DOCK3: variants seen among roughly 807,000 people sequenced by gnomAD.
The protein encoded by DOCK3 is dedicator of cytokinesis 3.
DOCK3 carries 60 observed loss-of-function variants against 265.6 expected under a neutral mutation model. The observed-to-expected ratio is 0.23, with a 90% CI of 0.18 to 0.28. The LOEUF is 0.28. DOCK3 is among the 10% of genes least tolerant of loss of function. The pLI is 1.00. For synonymous variants in DOCK3, 881 were observed against 938.0 expected (o/e 0.94, Z 1.11); for missense variants, 1,981 against 2,594.3 (o/e 0.76, Z 5.14).
At position 50,852,651 on chromosome 3, in the gene DOCK3, CTCTT is replaced by C. The variant is rs558146393; in HGVS notation, c.162+10938_162+10941del. Among the ~76,000 whole-genome samples, 212 of 152,196 alleles carry C rather than the reference CTCTT, an allele frequency of 1.4e-3. 2 individuals carry two copies. Among genetic ancestry groups the C allele is most frequent in the Middle Eastern group, 6.9e-3 (2 of 290 alleles). Reference sequence around the variant, plus strand: ...TTCAGATTTTAGGAATTTGTGTTCTCTCTTTTTCTTGATCAAGTCTAACTAGGTT... The same window carrying C: ...TTCAGATTTTAGGAATTTGTGTTCTCTTTCTTGATCAAGTCTAACTAGGTT... On this transcript the variant is annotated intron_variant, in intron 3 of 52. Transcript: ENST00000266037.
intron 6 of DOCK3, among the ~76,000 whole-genome samples, chr3:51,066,621 G>A (rs905424516): frequency 3.3e-5 from 5 of 152,122 alleles, no homozygotes; most frequent in Non-Finnish European, 5.9e-5. Flanking sequence ...AGGGATGCAC[G>A]AAAGTTCCCT....
intron 2 of DOCK3, among the ~76,000 whole-genome samples, chr3:50,798,880 C>T (rs973612537): frequency 1.3e-5 from 2 of 152,066 alleles, no homozygotes; most frequent in African/African-American, 4.8e-5. Flanking sequence ...TTTTGATTTA[C>T]TTTCAGTTGA....
At chr3:51,056,563 T>C (rs1198862455) in intron 5 of DOCK3, among the ~76,000 whole-genome samples, 1 of 152,210 alleles carries the variant, frequency 6.6e-6, no homozygotes, top group Non-Finnish European at 1.5e-5. Context: ...AAGGTATTTT[T>C]GACATAAAGG....
intron 3 of DOCK3, among the ~76,000 whole-genome samples, chr3:50,889,190 G>C (rs574771429): frequency 6.6e-6 from 1 of 151,426 alleles, no homozygotes; most frequent in African/African-American, 2.4e-5. Flanking sequence ...CCAAACTTCT[G>C]GGCTCAAGTC....
intron 4 of DOCK3, among the ~76,000 whole-genome samples, chr3:50,909,493 A>G (rs919815556): frequency 4.6e-5 from 7 of 152,008 alleles, no homozygotes; most frequent in Non-Finnish European, 1.0e-4. Flanking sequence ...GCCAGATGTG[A>G]AATTCTGGGT....
intron 38 of DOCK3, among the ~76,000 whole-genome samples, chr3:51,341,995 C>T (rs1320061802): frequency 1.3e-5 from 2 of 152,200 alleles, no homozygotes; most frequent in Admixed American, 6.5e-5. Context: ...GTGTGGCGCC[C>T]TCTGACTACC....
chr3:50,781,658 G>A (rs1421937103), intron 2 of DOCK3, among the ~76,000 whole-genome samples: 1 of 151,996 alleles, frequency 6.6e-6, no homozygotes, highest in African/African-American at 2.4e-5. Flanking sequence ...TCAGGGGTAC[G>A]TGTACACATT....
At chr3:51,147,282 A>G (rs1314125851) in intron 10 of DOCK3, among the ~76,000 whole-genome samples, 1 of 152,196 alleles carries the variant, frequency 6.6e-6, no homozygotes, top group Non-Finnish European at 1.5e-5. Context: ...ATACAGCAAG[A>G]CAAACTAAAT....
intron 12 of DOCK3, among the ~76,000 whole-genome samples, chr3:51,200,832 G>C (rs2088700331): frequency 6.6e-6 from 1 of 152,174 alleles, no homozygotes; most frequent in Non-Finnish European, 1.5e-5. Context: ...TCTCTTGGCA[G>C]AAACTCTACA....
At chr3:51,120,975 G>C (rs1451810102) in intron 9 of DOCK3, among the ~76,000 whole-genome samples, 8 of 152,142 alleles carry the variant, frequency 5.3e-5, no homozygotes, top group Non-Finnish European at 1.0e-4. Flanking sequence ...GGGAGTGAAT[G>C]GTTCTGTCTC....
rs562981276 is a variant in DOCK3, at chr3:51,236,545, G to C, written c.2001+117G>C. 144 of 966,606 alleles carry C rather than the reference G, an allele frequency of 1.5e-4. 1 individual carries two copies. The South Asian group carries it at 2.1e-3, about 14-fold the overall frequency. 59.9% of individuals were successfully genotyped at this position (966,606 alleles called of 1,614,324 possible). A position where few individuals can be genotyped will look rare whatever the true frequency, so the allele number is the denominator to read the frequency against. ...GCACAAGATATAGATGTTTCCAATA[G>C]AAAAGGGACTAAGGACTGTCACCCA... is the stretch of plus-strand genomic sequence containing the variant. On this transcript the variant is annotated intron_variant, in intron 20 of 52. Transcript: ENST00000266037.
chr3:51,040,935 C>T (rs1265210110), intron 5 of DOCK3, among the ~76,000 whole-genome samples: 1 of 151,696 alleles, frequency 6.6e-6, no homozygotes, highest in African/African-American at 2.4e-5. Flanking sequence ...TCTACCATAT[C>T]TGCAATCACT....
chr3:50,763,271 C>T (rs1467984821), intron 1 of DOCK3, among the ~76,000 whole-genome samples: 2 of 151,986 alleles, frequency 1.3e-5, no homozygotes, highest in African/African-American at 2.4e-5. Context: ...TCAGATTTTT[C>T]TATTTCTTCT....
At chr3:51,227,568 T>C in intron 16 of DOCK3, 123 bp downstream of exon 16, 1 of 1,367,592 alleles carries the variant, frequency 7.3e-7, no homozygotes, top group Non-Finnish European at 9.9e-7. Flanking sequence ...AATAAACAGC[T>C]ACTCAGAGAT....
chr3:50,708,944 C>A (rs2036586448), intron 1 of DOCK3, among the ~76,000 whole-genome samples: 1 of 152,172 alleles, frequency 6.6e-6, no homozygotes, highest in African/African-American at 2.4e-5. Flanking sequence ...GCCTTAGTCG[C>A]CTTTGGTCAG....
intron 9 of DOCK3, among the ~76,000 whole-genome samples, chr3:51,111,029 C>A (rs1318426073): frequency 2.6e-5 from 4 of 152,054 alleles, no homozygotes; most frequent in Admixed American, 1.3e-4. Context: ...ATTCCTATAC[C>A]CAACAACAGC....
chr3:51,380,315 T>G, intron 52 of DOCK3, 108 bp downstream of exon 52: 1 of 1,058,600 alleles, frequency 9.4e-7, no homozygotes, highest in Non-Finnish European at 1.3e-6. Flanking sequence ...CCCCTTCACC[T>G]CTCTCCCCAG....
chr3:51,367,587 G>T (rs9840331), intron 49 of DOCK3, among the ~76,000 whole-genome samples: 5,933 of 152,282 alleles, frequency 0.039, 403 homozygotes, highest in African/African-American at 0.13. Flanking sequence ...TTGTAGCGTT[G>T]ATGGTGTTTA....
chr3:51,326,937 A>G (rs947954353), intron 32 of DOCK3, among the ~76,000 whole-genome samples: 17 of 152,044 alleles, frequency 1.1e-4, no homozygotes, highest in African/African-American at 4.1e-4. Context: ...TAATTTTAGC[A>G]ACTCAGGTTC....
Sources: gnomAD v4.1 joint callset for allele counts (sites outside exome capture counted in the v4.1 genomes callset) on GRCh38, gnomAD v4.1.1 for gene constraint, MANE v1.5 for transcripts, NCBI Gene and HGNC (gene_info 2026-07-23, HGNC 2026-07-21) for gene names.